Variants in VPS13B observed in about 807,000 individuals in gnomAD.
VPS13B encodes vacuolar protein sorting 13 homolog B.
A neutral mutation model predicts 426.4 loss-of-function variants in VPS13B; 285 were observed. The ratio of observed to expected loss-of-function variants is 0.67; its 90% CI spans 0.61 to 0.74. VPS13B has a LOEUF of 0.74. Among genes scored for constraint, VPS13B ranks in the 30% least tolerant of loss-of-function variants. The pLI is 0.00. For missense variants in VPS13B, 4,537 were observed against 4,782.6 expected (o/e 0.95, Z 1.51); for synonymous variants, 1,676 against 1,676.4 (o/e 1.00, Z 0.01).
intron 33 of VPS13B, among the ~76,000 whole-genome samples, chr8:99,582,901 T>C (rs887430464): frequency 3.3e-5 from 5 of 152,190 alleles, no homozygotes; most frequent in Non-Finnish European, 5.9e-5. Flanking sequence ...GTGATCCGCC[T>C]GCCTTGGCCT....
chr8:99,864,221 T>A (rs1035162255), intron 58 of VPS13B, among the ~76,000 whole-genome samples: 1 of 152,250 alleles, frequency 6.6e-6, no homozygotes, highest in African/African-American at 2.4e-5. Flanking sequence ...TACAATGCAG[T>A]GCCTAATTGA....
intron 31 of VPS13B, among the ~76,000 whole-genome samples, chr8:99,573,002 G>T (rs1157833254): frequency 6.6e-6 from 1 of 152,132 alleles, no homozygotes; most frequent in African/African-American, 2.4e-5. Flanking sequence ...ATTCTAACTG[G>T]TGTGAGATGG....
At chr8:99,487,048 C>T (rs1820345461) in intron 25 of VPS13B, among the ~76,000 whole-genome samples, 1 of 151,270 alleles carries the variant, frequency 6.6e-6, no homozygotes, top group South Asian at 2.1e-4. Flanking sequence ...GAATAAATAC[C>T]CAGACTTCAT....
At chr8:99,344,854 G>A (rs1195661823) in intron 19 of VPS13B, among the ~76,000 whole-genome samples, 1 of 151,966 alleles carries the variant, frequency 6.6e-6, no homozygotes, top group Non-Finnish European at 1.5e-5. Flanking sequence ...GGAAATTTCA[G>A]TATTAAAGTA....
At chr8:99,354,706 C>T (rs907690186) in intron 19 of VPS13B, among the ~76,000 whole-genome samples, 62 of 151,998 alleles carry the variant, frequency 4.1e-4, no homozygotes, top group African/African-American at 1.4e-3. Context: ...TTAGTGAGGC[C>T]AAGGCTCAAT....
At chr8:99,600,124 A>AT (rs998045171) in intron 33 of VPS13B, among the ~76,000 whole-genome samples, 1 of 152,154 alleles carries the variant, frequency 6.6e-6, no homozygotes, top group Non-Finnish European at 1.5e-5. Flanking sequence ...CCCAGGATCC[A>AT]TAACACCATA....
chr8:99,045,055 C>T (rs1396877526), intron 3 of VPS13B, among the ~76,000 whole-genome samples: 4 of 152,070 alleles, frequency 2.6e-5, no homozygotes, highest in Admixed American at 2.6e-4. Context: ...ACTTCTTTTC[C>T]ACTGCGTAGA....
chr8:99,195,686 C>T (rs577153967), intron 17 of VPS13B, among the ~76,000 whole-genome samples: 97 of 152,270 alleles, frequency 6.4e-4, no homozygotes, highest in African/African-American at 2.1e-3. Context: ...AGTAGATTTA[C>T]GTTTCAGATC....
chr8:99,717,428 T>G (rs757964974), intron 37 of VPS13B, 55 bp downstream of exon 37: 87 of 1,453,192 alleles, frequency 6.0e-5, no homozygotes, highest in Non-Finnish European at 7.0e-5. Context: ...CCTCTGTTCA[T>G]TTTTTGAACT....
intron 19 of VPS13B, among the ~76,000 whole-genome samples, chr8:99,276,863 T>C (rs1021234933): frequency 6.6e-6 from 1 of 152,116 alleles, no homozygotes; most frequent in Admixed American, 6.6e-5. Flanking sequence ...TAAGAAGAGA[T>C]TAATCTTTCT....
intron 19 of VPS13B, among the ~76,000 whole-genome samples, chr8:99,364,254 G>A (rs554438742): frequency 6.6e-6 from 1 of 152,234 alleles, no homozygotes; most frequent in East Asian, 1.9e-4. Context: ...TTGATATGAT[G>A]TATCACATTA....
intron 2 of VPS13B, among the ~76,000 whole-genome samples, chr8:99,034,417 T>TG (rs1391162308): frequency 6.6e-6 from 1 of 151,476 alleles, no homozygotes; most frequent in East Asian, 1.9e-4. Flanking sequence ...TAAGTCTGTT[T>TG]TTTTTTTTTT....
chr8:99,319,916 G>T (rs1336008513), intron 19 of VPS13B, among the ~76,000 whole-genome samples: 1 of 152,060 alleles, frequency 6.6e-6, no homozygotes, highest in East Asian at 1.9e-4. Context: ...ATGTGGGATG[G>T]GACTATATCT....
intron 21 of VPS13B, among the ~76,000 whole-genome samples, chr8:99,414,747 C>T (rs3134181): frequency 0.19 from 29,591 of 152,056 alleles, 3,367 homozygotes; most frequent in East Asian, 0.38. Context: ...ATATTGGCCC[C>T]CATTCTCTTC....
At position 99,835,747 on chromosome 8, in the gene VPS13B, G is replaced by A. The variant is rs942110632; in HGVS notation, c.9942+9G>A. The A allele has an allele frequency of 3.1e-6, 5 of 1,613,906 alleles. No individual in the cohort carries two copies. In the African/African-American group the frequency reaches 6.7e-5, roughly 22 times the overall value. The stretch of plus-strand genomic sequence containing the variant: ...ACAGTCAGGGAACACAGGTCAGTGA[G>A]CCATGTGTTCCTGCCAAGACCCAAA... On this transcript the variant is annotated intron_variant, in intron 54 of 61. Transcript: ENST00000357162.
intron 31 of VPS13B, among the ~76,000 whole-genome samples, chr8:99,572,262 A>G (rs1825515122): frequency 6.6e-6 from 1 of 152,182 alleles, no homozygotes; most frequent in South Asian, 2.1e-4. Context: ...TGCTTTCTCA[A>G]TAATGTTTTC....
At chr8:99,861,090 A>G (rs1816808027) in intron 57 of VPS13B, among the ~76,000 whole-genome samples, 1 of 152,234 alleles carries the variant, frequency 6.6e-6, no homozygotes. Flanking sequence ...ACCCTTTAAA[A>G]TCACAGCAGG....
intron 25 of VPS13B, among the ~76,000 whole-genome samples, chr8:99,497,381 A>T (rs1820982904): frequency 6.8e-6 from 1 of 146,980 alleles, no homozygotes; most frequent in African/African-American, 2.5e-5. Context: ...TTTATATTTA[A>T]ATATAAAAAT....
intron 17 of VPS13B, among the ~76,000 whole-genome samples, chr8:99,253,519 T>C (rs1817608993): frequency 6.6e-6 from 1 of 152,210 alleles, no homozygotes; most frequent in African/African-American, 2.4e-5. Flanking sequence ...TATAACCATT[T>C]TACTTGGTGT....
Sources: allele counts gnomAD v4.1 joint callset (sites outside exome capture counted in the v4.1 genomes callset), GRCh38; gene constraint gnomAD v4.1.1; transcripts MANE v1.5; gene names NCBI Gene and HGNC (gene_info 2026-07-23, HGNC 2026-07-21).